The following HHLA1 variants were observed in gnomAD, a reference collection of about 807,000 sequenced individuals.
HHLA1 encodes the protein HERV-H LTR-associating protein 1.
HHLA1 carries 72 observed loss-of-function variants against 69.9 expected under a neutral mutation model. The ratio of observed to expected loss-of-function variants is 1.03; its 90% CI spans 0.85 to 1.25. HHLA1 has a LOEUF of 1.25. Ranked by LOEUF, HHLA1 falls within the 50% of genes most tolerant of loss-of-function variation. HHLA1 has a pLI of 0.00. For synonymous variants in HHLA1, 252 were observed against 233.2 expected (o/e 1.08, Z -0.73); for missense variants, 685 against 642.2 (o/e 1.07, Z -0.72).
At chr8:132,084,502 C>T (rs1025176573) in intron 10 of HHLA1, among the ~76,000 whole-genome samples, 13 of 152,028 alleles carry the variant, frequency 8.6e-5, no homozygotes, top group African/African-American at 1.5e-4. Flanking sequence ...GCCTATTTTA[C>T]GACAAGAATT....
chr8:132,096,634 G>A (rs1824030695), intron 5 of HHLA1, among the ~76,000 whole-genome samples: 1 of 152,078 alleles, frequency 6.6e-6, no homozygotes, highest in African/African-American at 2.4e-5. Flanking sequence ...GTGCAGCAGA[G>A]GGAGATCTTT....
At chr8:132,064,128 G>T (rs1823396308) in intron 16 of HHLA1, 90 bp from the exon 17 acceptor site, 4 of 757,674 alleles carry the variant, frequency 5.3e-6, no homozygotes, top group Non-Finnish European at 7.7e-6. Context: ...CGCCAACAAG[G>T]GTCTAGCCTC....
Position 132,079,764 on chromosome 8 carries a change from C to T in HHLA1, c.879G>A (p.Arg293=), listed in dbSNP as rs1233373442. The part of the protein sequence containing the change: ...NTGRPPELPA[R]ATATWFSASH... ...AGGCACTGAACCATGTGGCTGTGGCCCTGGCTGGAAGCTCAGGAGGCCTGC... is the reference window on the plus strand; with the variant it reads ...AGGCACTGAACCATGTGGCTGTGGCTCTGGCTGGAAGCTCAGGAGGCCTGC... Residue 293 remains arginine (R), a synonymous_variant, in exon 11 of 17, where the codon AGG becomes AGA. Coordinates refer to ENST00000414222, the MANE Select transcript of HHLA1 (RefSeq NM_001145095.3). The T allele has an allele frequency of 1.3e-6, 2 of 1,551,544 alleles. No individual in the cohort carries two copies. Among genetic ancestry groups the T allele is most frequent in the South Asian group, 1.2e-5 (1 of 84,052 alleles).
intron 14 of HHLA1, among the ~76,000 whole-genome samples, chr8:132,074,421 TG>T (rs1823600237): frequency 2.0e-5 from 3 of 152,092 alleles, no homozygotes; most frequent in Admixed American, 6.5e-5. Context: ...GGTGTCAAAA[TG>T]GAGTCTCCTT....
chr8:132,091,066 A>G (rs1823939494), intron 7 of HHLA1, among the ~76,000 whole-genome samples: 1 of 152,006 alleles, frequency 6.6e-6, no homozygotes, highest in South Asian at 2.1e-4. Flanking sequence ...GTGGAAACTG[A>G]GGAAGGGTAT....
rs947313450 is a variant in HHLA1 at position 132,076,067 on chromosome 8, G to A, written c.1303C>T (p.His435Tyr). Reference protein sequence around the residue: ...GEEPVLVPRPHQVSRCPQPLF... With the variant: ...GEEPVLVPRPYQVSRCPQPLF... ...CACTGGTACTTACTTGAAACTTGAT[G>A]GGGTCTTGGGACCAGGACTGGCTCT... Residue 435 changes from histidine to tyrosine, a missense_variant, in exon 14 of 17, where the codon CAT (histidine) becomes TAT (tyrosine). Physicochemically the swap from His to Tyr is moderately conservative, Grantham distance 83. Transcript: ENST00000414222. The A allele has an allele frequency of 1.3e-6, 2 of 1,550,826 alleles. No homozygotes were observed. Among genetic ancestry groups the A allele is most frequent in the African/African-American group, 2.7e-5 (2 of 73,002 alleles).
chr8:132,090,183 C>A (rs2130891419), intron 7 of HHLA1, among the ~76,000 whole-genome samples: 1 of 152,328 alleles, frequency 6.6e-6, no homozygotes, highest in East Asian at 1.9e-4. Flanking sequence ...ACTTTTTCAG[C>A]ATTTCAGGTT....
intron 3 of HHLA1, 134 bp from the exon 4 acceptor site, chr8:132,100,268 A>G: frequency 1.5e-6 from 1 of 678,688 alleles, no homozygotes; most frequent in Non-Finnish European, 2.6e-6. Context: ...GAGGAAAGGC[A>G]GATCACAGAC....
intron 10 of HHLA1, among the ~76,000 whole-genome samples, chr8:132,083,633 C>T (rs183611765): frequency 0.12 from 18,288 of 152,074 alleles, 1,325 homozygotes; most frequent in East Asian, 0.23. Context: ...ACAGATGGGA[C>T]GCGGCTTAGG....
At chr8:132,102,026 G>A (rs1824118786) in intron 3 of HHLA1, among the ~76,000 whole-genome samples, 1 of 152,168 alleles carries the variant, frequency 6.6e-6, no homozygotes, top group Non-Finnish European at 1.5e-5. Flanking sequence ...CCCCTGGTGA[G>A]CACCTTTCTA....
chr8:132,106,794 G>A (rs1167929289), intron 1 of HHLA1, among the ~76,000 whole-genome samples: 1 of 152,250 alleles, frequency 6.6e-6, no homozygotes, highest in African/African-American at 2.4e-5. Context: ...GAGAGAGAGA[G>A]TGAGCACCTG....
intron 3 of HHLA1, among the ~76,000 whole-genome samples, chr8:132,102,786 A>G (rs1445348136): frequency 1.4e-5 from 2 of 140,748 alleles, no homozygotes; most frequent in South Asian, 4.7e-4. Flanking sequence ...TTCTTCACTG[A>G]GCACCATTTT....
intron 4 of HHLA1, among the ~76,000 whole-genome samples, 183 bp from the exon 5 acceptor site, chr8:132,099,145 G>A (rs1025048411): frequency 2.6e-5 from 4 of 152,198 alleles, no homozygotes; most frequent in South Asian, 4.1e-4. Context: ...GGAGGTAACA[G>A]TCAACAAAGT....
rs1332813536 is a variant in HHLA1 at position 132,105,215 on chromosome 8, C to T, written c.51G>A (p.Leu17=). ...RGPSMKLCMG[L]ACVLSLWNTV... The stretch of plus-strand genomic sequence containing the variant: ...TGTTCCAAAGGGACAAGACACATGC[C>T]AGGCCCATGCACAGCTTCATTGAAG... The change falls in exon 2 of 17, where the codon CTG becomes CTA. Residue 17 remains leucine, a synonymous_variant. Transcript: ENST00000414222. The T allele has an allele frequency of 6.4e-7, 1 of 1,552,152 alleles. No individual in the cohort carries two copies. The highest frequency in any genetic ancestry group is 8.7e-7 in the Non-Finnish European group (1 of 1,147,066).
At chr8:132,070,347 G>A in intron 15 of HHLA1, 2 of 701,862 alleles carry the variant, frequency 2.8e-6, no homozygotes, top group Middle Eastern at 4.6e-4. Flanking sequence ...AACTTATTTT[G>A]CTGGTGGATG....
chr8:132,091,291 T>A (rs143671682), intron 7 of HHLA1, among the ~76,000 whole-genome samples: 1 of 152,224 alleles, frequency 6.6e-6, no homozygotes, highest in Non-Finnish European at 1.5e-5. Context: ...GAAGTTGTTA[T>A]CAATTTTGCA....
At chr8:132,067,180 T>A (rs541603346) in intron 15 of HHLA1, among the ~76,000 whole-genome samples, 4 of 152,108 alleles carry the variant, frequency 2.6e-5, no homozygotes, top group Non-Finnish European at 5.9e-5. Context: ...TTGTGGAAAC[T>A]GGAACCACAG....
chr8:132,068,203 G>T (rs1238228531), intron 15 of HHLA1, among the ~76,000 whole-genome samples: 1 of 152,198 alleles, frequency 6.6e-6, no homozygotes, highest in African/African-American at 2.4e-5. Flanking sequence ...GATTTAAGTT[G>T]CAGCAACCAC....
Position 132,076,461 on chromosome 8 carries a change from A to G in HHLA1, c.1240+14T>C. The stretch of plus-strand genomic sequence containing the variant: ...CCCACCCCCAAACCCCCACTTCCGT[A>G]CTGAGTTTCTCACCTGTTTGTGGAT... On this transcript the variant is annotated intron_variant, in intron 13 of 16. Coordinates refer to ENST00000414222, the MANE Select transcript of HHLA1 (RefSeq NM_001145095.3). 3.5e-6 allele frequency: 4 copies of G among 1,137,006 alleles called. No individual in the cohort carries two copies. The highest frequency in any genetic ancestry group is 4.8e-6 in the Non-Finnish European group (4 of 837,822). The allele number at this position is 1,137,006 out of a possible 1,614,324, so 70.4% of individuals were successfully genotyped here. A position where few individuals can be genotyped will look rare whatever the true frequency, so the allele number is the denominator to read the frequency against.
Sources: gnomAD v4.1 joint callset for allele counts (sites outside exome capture counted in the v4.1 genomes callset) on GRCh38, gnomAD v4.1.1 for gene constraint, MANE v1.5 for transcripts, NCBI Gene and HGNC (gene_info 2026-07-23, HGNC 2026-07-21) for gene names.